KCNIP1: variants seen among roughly 807,000 people sequenced by gnomAD.
KCNIP1 encodes the protein potassium voltage-gated channel interacting protein 1.
In KCNIP1, 18 loss-of-function variants were observed where a neutral mutation model predicts 33.0. The ratio of observed to expected loss-of-function variants is 0.55; its 90% confidence interval spans 0.38 to 0.81. The LOEUF (loss-of-function observed/expected upper bound fraction) is 0.81. KCNIP1 is among the 30% of genes least tolerant of loss of function. The pLI is 0.00. For missense variants in KCNIP1, 238 were observed against 271.6 expected, an observed-to-expected ratio of 0.88 and a Z score of 0.87; for synonymous variants, 93 against 98.3, an observed-to-expected ratio of 0.95 and a Z score of 0.32.
intron 1 of KCNIP1, among the ~76,000 whole-genome samples, chr5:170,392,283 A>G (rs1473678084): frequency 6.6e-6 from 1 of 152,214 alleles, no homozygotes; most frequent in Non-Finnish European, 1.5e-5. Flanking sequence ...TGTGGAGCAG[A>G]GACAGCCCAC....
At chr5:170,401,163 A>G (rs1754892740) in intron 1 of KCNIP1, among the ~76,000 whole-genome samples, 1 of 152,192 alleles carries the variant, frequency 6.6e-6, no homozygotes, top group Non-Finnish European at 1.5e-5. Context: ...TGCCTGAGAC[A>G]GATTCTTCAG....
chr5:170,705,128 T>C (rs1022036169), intron 1 of KCNIP1, among the ~76,000 whole-genome samples: 4 of 152,196 alleles, frequency 2.6e-5, no homozygotes, highest in Non-Finnish European at 4.4e-5. Flanking sequence ...TTGTGATGTA[T>C]TGTGTAGTCT....
intron 1 of KCNIP1, among the ~76,000 whole-genome samples, chr5:170,451,687 T>C (rs763722433): frequency 4.0e-5 from 6 of 151,392 alleles, no homozygotes; most frequent in Non-Finnish European, 8.8e-5. Context: ...GTACATACTA[T>C]ATGTTTTCCG....
intron 3 of KCNIP1, 54 bp from the exon 4 acceptor site, chr5:170,721,779 C>A (rs1763833124): frequency 6.2e-7 from 1 of 1,614,062 alleles, no homozygotes; most frequent in Non-Finnish European, 8.5e-7. Flanking sequence ...TTGGAAGGTT[C>A]TCCCTGTGTG....
At chr5:170,639,546 C>G (rs1760450329) in intron 1 of KCNIP1, 1 of 152,206 alleles carries the variant, frequency 6.6e-6, no homozygotes, top group Admixed American at 6.5e-5. Context: ...GCGCTGTTCT[C>G]CTTCATAGAA....
chr5:170,489,787 C>G lies in KCNIP1; in HGVS notation c.88+135823C>G, dbSNP rs1356261503. ...GAAGCCTGAGGCTAAAACCTATGCC[C>G]TATTTCCAGCCTCATGAAGTAAACT... On this transcript the variant is annotated intron_variant, in intron 1 of 7. Coordinates refer to the KCNIP1 transcript ENST00000377360. This position sits in a 1 kb window ranked among gnomAD's most constrained non-coding sequence, Gnocchi z 4.3. 1.3e-5 allele frequency among the ~76,000 whole-genome samples: 2 copies of G among 152,226 alleles called. No individual in the cohort carries two copies. Among genetic ancestry groups the G allele is most frequent in the Non-Finnish European group, 2.9e-5 (2 of 68,048 alleles).
intron 1 of KCNIP1, among the ~76,000 whole-genome samples, chr5:170,463,294 TAGA>T (rs1248325424): frequency 2.6e-5 from 4 of 152,164 alleles, no homozygotes; most frequent in South Asian, 2.1e-4. Context: ...TTCTAAAATG[TAGA>T]AGAAGAGGGG....
intron 1 of KCNIP1, among the ~76,000 whole-genome samples, chr5:170,442,600 G>A (rs1756019287): frequency 6.6e-6 from 1 of 151,932 alleles, no homozygotes; most frequent in Non-Finnish European, 1.5e-5. Context: ...GGACTCTCAA[G>A]ACACTAGGTC....
chr5:170,653,111 A>T (rs1298930141), intron 1 of KCNIP1, among the ~76,000 whole-genome samples: 2 of 152,258 alleles, frequency 1.3e-5, no homozygotes. Context: ...GTAGGGGACC[A>T]GTCTGCTGGA....
chr5:170,493,592 G>T (rs1314112917), intron 1 of KCNIP1, among the ~76,000 whole-genome samples: 1 of 152,180 alleles, frequency 6.6e-6, no homozygotes, highest in Non-Finnish European at 1.5e-5. Context: ...GTGAAGCATT[G>T]TTGGTCAGCT....
chr5:170,657,849 T>C (rs1037823489), intron 1 of KCNIP1, among the ~76,000 whole-genome samples: 18 of 152,166 alleles, frequency 1.2e-4, no homozygotes, highest in Non-Finnish European at 2.2e-4. Flanking sequence ...CAGCAACCCA[T>C]GCCAGACCTG....
rs184521211 is a variant in KCNIP1 at position 170,566,172 on chromosome 5, C to T, written c.61+61539C>T. On this transcript the variant is annotated intron_variant, in intron 1 of 7. Transcript: ENST00000328939. ...GCCTCCCGGGTTCAAGCGATTCTCCCGCCTCAGCCTCCCGAGTAGCTGGGA... is the reference window on the plus strand; with the variant it reads ...GCCTCCCGGGTTCAAGCGATTCTCCTGCCTCAGCCTCCCGAGTAGCTGGGA... 4.2e-3 allele frequency among the ~76,000 whole-genome samples: 634 copies of T among 151,964 alleles called. 7 individuals carry two copies. The highest frequency in any genetic ancestry group is 0.014 in the African/African-American group (566 of 41,358).
At chr5:170,698,198 A>G (rs531519441) in intron 1 of KCNIP1, among the ~76,000 whole-genome samples, 1 of 152,232 alleles carries the variant, frequency 6.6e-6, no homozygotes, top group East Asian at 1.9e-4. Context: ...GCCACATTCA[A>G]TCCTCATGGG....
chr5:170,503,545 G>T (rs1757463725), upstream of KCNIP1, among the ~76,000 whole-genome samples: 1 of 152,066 alleles, frequency 6.6e-6, no homozygotes. Context: ...GAGCAGGACG[G>T]CACCTTCTTC....
At chr5:170,486,170 TCC>T (rs1757090668) in intron 1 of KCNIP1, 1 of 152,212 alleles carries the variant, frequency 6.6e-6, no homozygotes, top group East Asian at 1.9e-4. Flanking sequence ...AAAGCTCTGT[TCC>T]CTGGTGACAG....
intron 1 of KCNIP1, among the ~76,000 whole-genome samples, chr5:170,400,675 C>T (rs1332854526): frequency 6.6e-6 from 1 of 152,208 alleles, no homozygotes; most frequent in Non-Finnish European, 1.5e-5. Context: ...GAAGTGGTTA[C>T]TGTGGTTATC....
intron 1 of KCNIP1, among the ~76,000 whole-genome samples, chr5:170,421,359 G>A (rs1755486129): frequency 6.6e-6 from 1 of 152,240 alleles, no homozygotes; most frequent in Non-Finnish European, 1.5e-5. Flanking sequence ...CTTCTCCCCA[G>A]AAATCATGTG....
intron 1 of KCNIP1, among the ~76,000 whole-genome samples, chr5:170,690,099 G>A (rs1396777502): frequency 6.6e-6 from 1 of 152,156 alleles, no homozygotes; most frequent in Non-Finnish European, 1.5e-5. Context: ...CCCGCACGGT[G>A]CCCAGCACAT....
At chr5:170,582,138 A>G (rs1485855615) in intron 1 of KCNIP1, among the ~76,000 whole-genome samples, 2 of 152,222 alleles carry the variant, frequency 1.3e-5, no homozygotes, top group African/African-American at 4.8e-5. Flanking sequence ...TCAACAGATG[A>G]GATGAGGAGG....
Sources: allele counts gnomAD v4.1 joint callset (sites outside exome capture counted in the v4.1 genomes callset), GRCh38; gene constraint gnomAD v4.1.1; non-coding constraint Gnocchi (gnomAD v3.1); transcripts MANE v1.5; gene names NCBI Gene and HGNC (gene_info 2026-07-23, HGNC 2026-07-21).